CNTNAP2: variants seen among roughly 807,000 people sequenced by gnomAD.
CNTNAP2 encodes contactin-associated protein-like 2.
In CNTNAP2, 98 loss-of-function variants were observed where a neutral mutation model predicts 155.2. The ratio of observed to expected loss-of-function variants is 0.63; its 90% CI spans 0.54 to 0.75. CNTNAP2 has a LOEUF of 0.75. CNTNAP2 is among the 30% of genes least tolerant of loss of function. CNTNAP2 has a pLI of 0.00. For synonymous variants in CNTNAP2, 651 were observed against 631.2 expected (o/e 1.03, Z -0.47); for missense variants, 1,727 against 1,688.1 (o/e 1.02, Z -0.40).
intron 8 of CNTNAP2, among the ~76,000 whole-genome samples, chr7:147,273,513 C>T (rs1584836165): frequency 6.6e-6 from 1 of 151,868 alleles, no homozygotes; most frequent in Non-Finnish European, 1.5e-5. Flanking sequence ...CCCGCTCTGA[C>T]CCACCCCACT....
At chr7:146,444,157 T>G (rs577480205) in intron 1 of CNTNAP2, among the ~76,000 whole-genome samples, 52 of 152,136 alleles carry the variant, frequency 3.4e-4, no homozygotes, top group African/African-American at 1.2e-3. Flanking sequence ...CTCAGCCTCC[T>G]GGAACTACAG....
chr7:147,319,890 C>A (rs1196645847), intron 9 of CNTNAP2, among the ~76,000 whole-genome samples: 1 of 152,210 alleles, frequency 6.6e-6, no homozygotes. Context: ...CAAGCATCAG[C>A]AAACTCTTTT....
intron 15 of CNTNAP2, among the ~76,000 whole-genome samples, chr7:148,082,893 G>A (rs1452903891): frequency 6.6e-6 from 1 of 151,932 alleles, no homozygotes; most frequent in African/African-American, 2.4e-5. Flanking sequence ...TGGCCAGGCT[G>A]GTGTCGATCT....
At chr7:147,559,040 AT>A (rs1309321704) in intron 11 of CNTNAP2, among the ~76,000 whole-genome samples, 1 of 151,390 alleles carries the variant, frequency 6.6e-6, no homozygotes, top group Admixed American at 6.6e-5. Context: ...CCGGCCTAAT[AT>A]TTTTTAAAAA....
At chr7:147,451,107 T>C (rs1400110289) in intron 10 of CNTNAP2, among the ~76,000 whole-genome samples, 1 of 152,192 alleles carries the variant, frequency 6.6e-6, no homozygotes, top group African/African-American at 2.4e-5. Flanking sequence ...GAAGAGTCAA[T>C]ATAAGACAGT....
chr7:146,371,277 A>G (rs1290707270), intron 1 of CNTNAP2, among the ~76,000 whole-genome samples: 1 of 151,870 alleles, frequency 6.6e-6, no homozygotes. Context: ...GTGTTAAAAT[A>G]TAACTCTCTT....
intron 11 of CNTNAP2, among the ~76,000 whole-genome samples, chr7:147,491,098 C>T (rs1054629940): frequency 6.6e-6 from 1 of 152,104 alleles, no homozygotes; most frequent in African/African-American, 2.4e-5. Flanking sequence ...CAAACCATAG[C>T]AGGTATCTAA....
intron 8 of CNTNAP2, among the ~76,000 whole-genome samples, chr7:147,180,210 A>G (rs1305680783): frequency 1.3e-5 from 2 of 152,150 alleles, no homozygotes; most frequent in African/African-American, 2.4e-5. Context: ...TTTTTCCCCA[A>G]TATATAGTTT....
At chr7:147,065,387 T>G (rs1251277582) in intron 4 of CNTNAP2, among the ~76,000 whole-genome samples, 2 of 152,226 alleles carry the variant, frequency 1.3e-5, no homozygotes, top group Non-Finnish European at 2.9e-5. Context: ...GATGAACTTT[T>G]GATGTAAGTA....
At chr7:146,233,518 C>T (rs909967430) in intron 1 of CNTNAP2, among the ~76,000 whole-genome samples, 4 of 151,572 alleles carry the variant, frequency 2.6e-5, no homozygotes, top group Admixed American at 6.6e-5. Context: ...ACAATGTGCA[C>T]GTTAGTTACA....
chr7:147,975,526 G>T (rs540308417), intron 14 of CNTNAP2, among the ~76,000 whole-genome samples: 3 of 152,094 alleles, frequency 2.0e-5, no homozygotes, highest in African/African-American at 4.8e-5. Context: ...TCTTATAGAT[G>T]CTGGAAGGGT....
intron 10 of CNTNAP2, among the ~76,000 whole-genome samples, chr7:147,472,321 T>G (rs1798239547): frequency 6.7e-6 from 1 of 150,106 alleles, no homozygotes; most frequent in East Asian, 2.0e-4. Context: ...CATGCGATTC[T>G]CCTGCGTAAG....
At chr7:148,028,875 C>T (rs1802418637) in intron 15 of CNTNAP2, among the ~76,000 whole-genome samples, 1 of 152,096 alleles carries the variant, frequency 6.6e-6, no homozygotes, top group Admixed American at 6.5e-5. Context: ...GCTCTCGGTT[C>T]CCCTATTCCT....
chr7:146,644,048 AAGG>A (rs1348878969), intron 1 of CNTNAP2, among the ~76,000 whole-genome samples: 2 of 152,202 alleles, frequency 1.3e-5, no homozygotes, highest in African/African-American at 4.8e-5. Context: ...TTATCAGTTT[AAGG>A]AGATTTTGGG....
At chr7:148,282,082 T>C (rs61264450) in intron 21 of CNTNAP2, among the ~76,000 whole-genome samples, 21,944 of 152,026 alleles carry the variant, frequency 0.14, 2,029 homozygotes, top group African/African-American at 0.26. Flanking sequence ...CTCGGCCTCC[T>C]AAAGTTCTGG....
At chr7:147,793,311 T>C (rs1797848268) in intron 13 of CNTNAP2, among the ~76,000 whole-genome samples, 1 of 152,118 alleles carries the variant, frequency 6.6e-6, no homozygotes, top group Non-Finnish European at 1.5e-5. Context: ...AAGAATTTAA[T>C]AGTTTTAGCA....
intron 21 of CNTNAP2, among the ~76,000 whole-genome samples, chr7:148,369,252 G>A (rs890862127): frequency 1.6e-4 from 20 of 123,434 alleles, no homozygotes; most frequent in African/African-American, 3.8e-4. Context: ...AGGCTGGAAC[G>A]CAGTGCTGTG....
At chr7:147,707,941 T>C (rs1283673321) in intron 13 of CNTNAP2, among the ~76,000 whole-genome samples, 6 of 152,026 alleles carry the variant, frequency 3.9e-5, no homozygotes, top group African/African-American at 1.4e-4. Context: ...GGTGGTCAAC[T>C]TGGGTAGGTG....
intron 8 of CNTNAP2, among the ~76,000 whole-genome samples, chr7:147,187,243 C>T (rs1159427832): frequency 3.9e-5 from 6 of 152,042 alleles, no homozygotes; most frequent in Admixed American, 3.9e-4. Context: ...AGTCTATGAA[C>T]ATAAAGTAGT....
Sources: gnomAD v4.1 joint callset for allele counts (sites outside exome capture counted in the v4.1 genomes callset) on GRCh38, gnomAD v4.1.1 for gene constraint, MANE v1.5 for transcripts, NCBI Gene and HGNC (gene_info 2026-07-23, HGNC 2026-07-21) for gene names.